Variants in CELSR1 observed in about 807,000 individuals in gnomAD.
CELSR1 encodes the protein cadherin EGF LAG seven-pass G-type receptor 1.
A neutral mutation model predicts 249.1 loss-of-function variants in CELSR1; 110 were observed. That is an observed-to-expected ratio of 0.44 (90% CI 0.38 to 0.52). CELSR1 has a LOEUF of 0.52. Ranked by LOEUF, CELSR1 falls within the 20% of genes least tolerant of loss-of-function variation. The pLI, the probability that CELSR1 is intolerant of heterozygous loss-of-function variation, is 0.00. For missense variants in CELSR1, 4,109 were observed against 4,296.4 expected, an observed-to-expected ratio of 0.96 and a Z score of 1.22; for synonymous variants, 2,113 against 1,900.0, an observed-to-expected ratio of 1.11 and a Z score of -2.92.
At chr22:46,480,626 G>A (rs150107377) in intron 1 of CELSR1, among the ~76,000 whole-genome samples, 41 of 152,100 alleles carry the variant, frequency 2.7e-4, no homozygotes, top group African/African-American at 7.5e-4. Context: ...TGTTGGCAAC[G>A]AAGAGGAAAT....
At chr22:46,461,778 C>G (rs541406753) in intron 2 of CELSR1, among the ~76,000 whole-genome samples, 3 of 152,250 alleles carry the variant, frequency 2.0e-5, no homozygotes, top group African/African-American at 7.2e-5. Context: ...TCCAGGGACC[C>G]GCGGCCACGG....
chr22:46,409,280 G>C lies in CELSR1; in HGVS notation c.5060-118C>G, dbSNP rs189683511. On this transcript the variant is annotated intron_variant, in intron 8 of 34. Transcript: ENST00000674500. The surrounding 1 kb of genome is among the most constrained non-coding windows in gnomAD (Gnocchi z 9.8). Reference sequence around the variant, plus strand: ...GCCTGGGCCTTTTTCACTTTAACACGAAGGTGGGTCTGAGCCTCCCCTCTG... The same window carrying C: ...GCCTGGGCCTTTTTCACTTTAACACCAAGGTGGGTCTGAGCCTCCCCTCTG... The C allele has an allele frequency of 2.8e-6, 3 of 1,060,394 alleles. No homozygotes were observed. The highest frequency in any genetic ancestry group is 3.2e-5 in the African/African-American group (2 of 62,102). The allele number at this position is 1,060,394 out of a possible 1,614,324, so 65.7% of individuals were successfully genotyped here. A position where few individuals can be genotyped will look rare whatever the true frequency, so the allele number is the denominator to read the frequency against.
chr22:46,434,912 G>A lies in CELSR1; in HGVS notation c.4522+1262C>T, dbSNP rs1161924934. On this transcript the variant is annotated intron_variant, in intron 4 of 34. Coordinates refer to ENST00000674500, the MANE Select transcript of CELSR1 (RefSeq NM_001378328.1). This position sits in a 1 kb window ranked among gnomAD's most constrained non-coding sequence, Gnocchi z 4.9. ...CTGGAGAGGCTGAGGCATGAGAATC[G>A]CTTGAACCTGGGAGGTGGAGGTCGC... 1.3e-5 allele frequency among the ~76,000 whole-genome samples: 2 copies of A among 152,036 alleles called. No homozygotes were observed. Among genetic ancestry groups the A allele is most frequent in the East Asian group, 1.9e-4 (1 of 5,172 alleles).
At chr22:46,480,819 A>G (rs1388612860) in intron 1 of CELSR1, among the ~76,000 whole-genome samples, 1 of 152,226 alleles carries the variant, frequency 6.6e-6, no homozygotes, top group Non-Finnish European at 1.5e-5. Flanking sequence ...CCAATTTAGC[A>G]CCACTTTTTT....
rs2078897114 is a variant in CELSR1 at position 46,374,592 on chromosome 22, A to C, written c.7585-1535T>G. Among the ~76,000 whole-genome samples, 1 of 152,124 alleles carries C rather than the reference A, an allele frequency of 6.6e-6. No homozygotes were observed. The highest frequency in any genetic ancestry group is 6.5e-5 in the Admixed American group (1 of 15,288). On this transcript the variant is annotated intron_variant, in intron 24 of 34. Transcript: ENST00000674500. The surrounding 1 kb of genome is among the most constrained non-coding windows in gnomAD (Gnocchi z 4.3). The stretch of plus-strand genomic sequence containing the variant: ...CTCAGCCGTGCGTGGCTGCCGGGAC[A>C]GCGCTCACTCCGGCAGGCGACGAGT...
intron 13 of CELSR1, among the ~76,000 whole-genome samples, chr22:46,394,508 C>T (rs902075486): frequency 6.6e-6 from 1 of 152,194 alleles, no homozygotes; most frequent in Non-Finnish European, 1.5e-5. Context: ...GTGTGCCCCA[C>T]GTCCACATGA....
intron 1 of CELSR1, among the ~76,000 whole-genome samples, chr22:46,465,591 C>T (rs915005785): frequency 1.3e-5 from 2 of 152,330 alleles, no homozygotes; most frequent in East Asian, 3.9e-4. Context: ...CAGCGGCACG[C>T]GGGGATCCCA....
At chr22:46,455,061 C>T (rs748734110) in intron 2 of CELSR1, among the ~76,000 whole-genome samples, 21 of 152,144 alleles carry the variant, frequency 1.4e-4, no homozygotes, top group Non-Finnish European at 2.2e-4. Flanking sequence ...AGTGTGAAGA[C>T]GGAGGCGGAG....
Position 46,430,268 on chromosome 22 carries a change from G to A in CELSR1, c.4611+3125C>T, listed in dbSNP as rs534118824. Among the ~76,000 whole-genome samples the A allele has an allele frequency of 6.6e-5, 10 of 152,352 alleles. No homozygotes were observed. Among genetic ancestry groups the A allele is most frequent in the African/African-American group, 2.4e-4 (10 of 41,588 alleles). On this transcript the variant is annotated intron_variant, in intron 5 of 34. Transcript: ENST00000674500. This position sits in a 1 kb window ranked among gnomAD's most constrained non-coding sequence, Gnocchi z 4.6. ...TTCCACCCTCTCCAGACTGCTGTAT[G>A]CTGAATTTTTTCAAGTATGTTTTCT...
chr22:46,463,581 C>T (rs7292207), intron 2 of CELSR1, 126 bp downstream of exon 2: 5 of 1,046,734 alleles, frequency 4.8e-6, no homozygotes, highest in Non-Finnish European at 6.5e-6. Context: ...GAGCCCACAC[C>T]TGGGCCCAGC....
At chr22:46,438,198 G>C (rs1420305593) in intron 3 of CELSR1, among the ~76,000 whole-genome samples, 1 of 152,230 alleles carries the variant, frequency 6.6e-6, no homozygotes, top group African/African-American at 2.4e-5. Flanking sequence ...AGAGAAGGGG[G>C]CCGGGGAAGG....
At position 46,365,566 on chromosome 22, in the gene CELSR1, C is replaced by T; in HGVS notation, c.8404+20G>A. On this transcript the variant is annotated intron_variant, in intron 31 of 34. Transcript: ENST00000674500. ...GGGAAAAACAACCCACGGGGTCCTC[C>T]CCCTCCAGGGAAGCCATACCAGGGG... 1 of 1,573,814 alleles carries T rather than the reference C, an allele frequency of 6.4e-7. No homozygotes were observed. Among genetic ancestry groups the T allele is most frequent in the Non-Finnish European group, 8.6e-7 (1 of 1,159,246 alleles).
chr22:46,460,858 G>T (rs2080018171), intron 2 of CELSR1, among the ~76,000 whole-genome samples: 1 of 152,168 alleles, frequency 6.6e-6, no homozygotes, highest in East Asian at 1.9e-4. Flanking sequence ...GGCCAAAATG[G>T]ATTTCAGGGA....
Position 46,433,038 on chromosome 22 carries a change from T to G in CELSR1, c.4611+355A>C, listed in dbSNP as rs145020375. On this transcript the variant is annotated intron_variant, in intron 5 of 34. Coordinates refer to ENST00000674500, the MANE Select transcript of CELSR1 (RefSeq NM_001378328.1). This position sits in a 1 kb window ranked among gnomAD's most constrained non-coding sequence, Gnocchi z 5.7. ...ACCAGGGCACCTTTTTTCCTTCCTT[T>G]TTTTTTTAGATGGAATTTCGCTCTG... Among the ~76,000 whole-genome samples, 161 of 152,162 alleles carry G rather than the reference T, an allele frequency of 1.1e-3. 1 individual carries two copies. The highest frequency in any genetic ancestry group is 9.3e-3 in the South Asian group (45 of 4,818).
Position 46,407,591 on chromosome 22 carries a change from C to T in CELSR1, c.5226+1405G>A, listed in dbSNP as rs757575038. On this transcript the variant is annotated intron_variant, in intron 9 of 34. Transcript: ENST00000674500. This position sits in a 1 kb window ranked among gnomAD's most constrained non-coding sequence, Gnocchi z 4.8. ...AAGTTGCAGTGAGCTGAGGTTACGCCGTCGCACTCCAGCCTGGGCAACAAG... is the reference window on the plus strand; with the variant it reads ...AAGTTGCAGTGAGCTGAGGTTACGCTGTCGCACTCCAGCCTGGGCAACAAG... Among the ~76,000 whole-genome samples, 4 of 151,894 alleles carry T rather than the reference C, an allele frequency of 2.6e-5. No homozygotes were observed. The highest frequency in any genetic ancestry group is 1.9e-4 in the East Asian group (1 of 5,182).
chr22:46,388,954 G>A (rs892251968), intron 18 of CELSR1, among the ~76,000 whole-genome samples: 2 of 152,200 alleles, frequency 1.3e-5, no homozygotes, highest in African/African-American at 4.8e-5. Context: ...ATGGGTGGAC[G>A]ATACTCCATC....
chr22:46,457,238 G>C (rs1030675528), intron 2 of CELSR1, among the ~76,000 whole-genome samples: 1 of 152,050 alleles, frequency 6.6e-6, no homozygotes, highest in Admixed American at 6.6e-5. Context: ...CCAGCTACTC[G>C]GGAGGCTGAG....
chr22:46,395,317 G>T lies in CELSR1; in HGVS notation c.5844-1055C>A, dbSNP rs1219205746. On this transcript the variant is annotated intron_variant, in intron 13 of 34. Transcript: ENST00000674500. The surrounding 1 kb of genome is among the most constrained non-coding windows in gnomAD (Gnocchi z 5.5). The stretch of plus-strand genomic sequence containing the variant: ...GCAGGTGGGGGTTCCCTAAGACCAG[G>T]TCCTGCCACTTTAGTGCTGGGCCCC... 6.6e-6 allele frequency among the ~76,000 whole-genome samples: 1 copy of T among 151,806 alleles called. No individual in the cohort carries two copies. Among genetic ancestry groups the T allele is most frequent in the Non-Finnish European group, 1.5e-5 (1 of 67,826 alleles).
In CELSR1 at chr22:46,462,796, G is replaced by C. The variant is rs979184693; in HGVS notation, c.4183+911C>G. 1.1e-5 allele frequency: 4 copies of C among 368,424 alleles called. No individual in the cohort carries two copies. The Admixed American group carries it at 1.3e-4, about 12-fold the overall frequency. 22.8% of individuals were successfully genotyped at this position (368,424 alleles called of 1,614,324 possible). On this transcript the variant is annotated intron_variant, in intron 2 of 34. Transcript: ENST00000674500. ...GAATGTGTGTTTCTGTACCGCTCTC[G>C]GGGTGGCTCTTTATTTTTAAAAACC...
Sources: gnomAD v4.1 joint callset for allele counts (sites outside exome capture counted in the v4.1 genomes callset) on GRCh38, gnomAD v4.1.1 for gene constraint, Gnocchi (gnomAD v3.1) non-coding constraint, MANE v1.5 for transcripts, NCBI Gene and HGNC (gene_info 2026-07-23, HGNC 2026-07-21) for gene names.